Variants in SH3KBP1 observed in about 807,000 individuals in gnomAD.
SH3KBP1 encodes the protein SH3 domain containing kinase binding protein 1.
Under a neutral mutation model 50.1 loss-of-function variants are expected in SH3KBP1, and 8 were observed. That is an observed-to-expected ratio of 0.16 (90% CI 0.09 to 0.29). SH3KBP1 has a LOEUF of 0.29. Ranked by LOEUF, SH3KBP1 falls within the 10% of genes least tolerant of loss-of-function variation. The pLI is 1.00. For synonymous variants in SH3KBP1, 227 were observed against 218.6 expected (o/e 1.04, Z -0.34); for missense variants, 377 against 535.2 (o/e 0.70, Z 2.92).
chrX:19,674,521 A>G lies in SH3KBP1; in HGVS notation c.726+9302T>C, dbSNP rs943400830. On this transcript the variant is annotated intron_variant, in intron 6 of 17. Coordinates refer to ENST00000397821, the MANE Select transcript of SH3KBP1 (RefSeq NM_031892.3). ...AAATGGAAGAGTGAATCTTAGCTAG[A>G]CCACAAGCAGATCCCAACCAGAATT... Among the ~76,000 whole-genome samples the G allele has an allele frequency of 2.7e-5, 3 of 112,350 alleles. No homozygotes were observed. The East Asian group carries it at 8.3e-4, about 31-fold the overall frequency.
chrX:19,657,677 G>A (rs1051277285), intron 6 of SH3KBP1, among the ~76,000 whole-genome samples: 2 of 107,377 alleles, frequency 1.9e-5, no homozygotes, highest in African/African-American at 6.8e-5. Context: ...GCAGTGAGTC[G>A]ACATCACACC....
chrX:19,544,309 C>T (rs2065025465), intron 15 of SH3KBP1, among the ~76,000 whole-genome samples: 1 of 111,068 alleles, frequency 9.0e-6, no homozygotes, highest in South Asian at 3.8e-4. Context: ...GAGCAATGAT[C>T]ACATGCCGGA....
At chrX:19,538,423 G>C (rs1248669721) in intron 16 of SH3KBP1, among the ~76,000 whole-genome samples, 1 of 109,667 alleles carries the variant, frequency 9.1e-6, no homozygotes, top group Non-Finnish European at 1.9e-5. Flanking sequence ...TGCCCAGGCT[G>C]GTCTTGAACT....
chrX:19,572,110 T>C (rs886544301), intron 12 of SH3KBP1, among the ~76,000 whole-genome samples: 1 of 110,064 alleles, frequency 9.1e-6, no homozygotes, highest in African/African-American at 3.3e-5. Flanking sequence ...GACCCTATTG[T>C]GCATTACTAT....
intron 16 of SH3KBP1, among the ~76,000 whole-genome samples, chrX:19,540,776 T>C (rs909794837): frequency 4.5e-5 from 5 of 111,909 alleles, no homozygotes; most frequent in African/African-American, 1.6e-4. Flanking sequence ...GCTGGAGTAG[T>C]GTGCTCTTGG....
intron 8 of SH3KBP1, among the ~76,000 whole-genome samples, chrX:19,628,195 A>T (rs757916995): frequency 1.8e-5 from 2 of 111,858 alleles, no homozygotes; most frequent in South Asian, 7.5e-4. Flanking sequence ...TTTTAGGTGG[A>T]TTTTTCACCA....
At chrX:19,676,898 G>C (rs750284931) in intron 6 of SH3KBP1, among the ~76,000 whole-genome samples, 3 of 112,270 alleles carry the variant, frequency 2.7e-5, no homozygotes, top group Admixed American at 9.4e-5. Context: ...AGTGTAGACA[G>C]AATTCAAGAG....
chrX:19,873,290 G>GTA (rs60336593), intron 1 of SH3KBP1, among the ~76,000 whole-genome samples: 2,988 of 71,173 alleles, frequency 0.042, 53 homozygotes, highest in African/African-American at 0.06. Context: ...ATATATATAT[G>GTA]TATATATATA....
chrX:19,858,789 C>G (rs2068716012), intron 1 of SH3KBP1, among the ~76,000 whole-genome samples: 1 of 112,030 alleles, frequency 8.9e-6, no homozygotes, highest in Non-Finnish European at 1.9e-5. Context: ...CAATTAGAAT[C>G]AGGAAAAATA....
Position 19,738,038 on chromosome X carries a change from T to C in SH3KBP1, c.286+8280A>G, listed in dbSNP as rs190332907. On this transcript the variant is annotated intron_variant, in intron 3 of 17. Coordinates refer to ENST00000397821, the MANE Select transcript of SH3KBP1 (RefSeq NM_031892.3). The stretch of plus-strand genomic sequence containing the variant: ...CATGAGAGGTGGAACCTGAAGATTA[T>C]CTTGGGGATGCTTACAGAGCTCCTT... Among the ~76,000 whole-genome samples, 225 of 112,169 alleles carry C rather than the reference T, an allele frequency of 2.0e-3. 1 individual carries two copies. The highest frequency in any genetic ancestry group is 9.1e-3 in the Middle Eastern group (2 of 219).
At chrX:19,796,855 G>C (rs2066729905) in intron 2 of SH3KBP1, among the ~76,000 whole-genome samples, 1 of 112,384 alleles carries the variant, frequency 8.9e-6, no homozygotes, top group Admixed American at 9.4e-5. Context: ...CCTGGGGTCT[G>C]AAATGCTCCC....
chrX:19,612,027 C>T (rs2067443421), intron 8 of SH3KBP1, among the ~76,000 whole-genome samples: 1 of 105,155 alleles, frequency 9.5e-6, no homozygotes, highest in Non-Finnish European at 1.9e-5. Context: ...AGAAAGTGGG[C>T]ACAGGGTCAG....
At chrX:19,700,669 GA>G (rs779979930) in intron 4 of SH3KBP1, among the ~76,000 whole-genome samples, 105 of 110,468 alleles carry the variant, frequency 9.5e-4, no homozygotes, top group African/African-American at 3.1e-3. Flanking sequence ...TAGAACTGGT[GA>G]AAAAAAAATA....
At chrX:19,622,091 C>G (rs937708036) in intron 8 of SH3KBP1, among the ~76,000 whole-genome samples, 34 of 112,023 alleles carry the variant, frequency 3.0e-4, no homozygotes, top group African/African-American at 1.1e-3. Context: ...AATTTTAAGC[C>G]TAAAAGGCAC....
chrX:19,839,481 T>TG (rs1309598786), intron 1 of SH3KBP1, among the ~76,000 whole-genome samples: 4 of 110,367 alleles, frequency 3.6e-5, no homozygotes, highest in African/African-American at 6.6e-5. Flanking sequence ...GGACTACAGG[T>TG]GCACACCACC....
intron 7 of SH3KBP1, among the ~76,000 whole-genome samples, chrX:19,640,511 CT>C (rs1425743716): frequency 9.7e-6 from 1 of 103,255 alleles, no homozygotes; most frequent in Non-Finnish European, 2.0e-5. Flanking sequence ...TTTAATTTTG[CT>C]TTTGCTTGGT....
At chrX:19,838,098 C>CAACAACAACAAA (rs1556411513) in intron 1 of SH3KBP1, among the ~76,000 whole-genome samples, 2 of 106,386 alleles carry the variant, frequency 1.9e-5, no homozygotes, top group African/African-American at 3.8e-5. Flanking sequence ...ACAACAACAA[C>CAACAACAACAAA]AAACCAACTT....
intron 16 of SH3KBP1, among the ~76,000 whole-genome samples, chrX:19,538,867 G>A (rs763785796): frequency 5.3e-5 from 6 of 112,368 alleles, no homozygotes; most frequent in East Asian, 2.8e-4. Context: ...GATTACAGGC[G>A]TAAGCCACCG....
chrX:19,695,767 G>C (rs771496727), intron 4 of SH3KBP1, 26 bp from the exon 5 acceptor site: 1 of 1,204,040 alleles, frequency 8.3e-7, no homozygotes, highest in East Asian at 3.0e-5. Context: ...CAAAAGAGCA[G>C]AGATACATGG....
Sources: gnomAD v4.1 joint callset for allele counts (sites outside exome capture counted in the v4.1 genomes callset) on GRCh38, gnomAD v4.1.1 for gene constraint, MANE v1.5 for transcripts, NCBI Gene and HGNC (gene_info 2026-07-23, HGNC 2026-07-21) for gene names.